NAALADL2: variants seen among roughly 807,000 people sequenced by gnomAD.
NAALADL2 encodes the protein inactive N-acetylated-alpha-linked acidic dipeptidase-like protein 2.
A neutral mutation model predicts 87.2 loss-of-function variants in NAALADL2; 76 were observed. The ratio of observed to expected loss-of-function variants is 0.87; its 90% CI spans 0.72 to 1.05. NAALADL2 has a LOEUF of 1.05. Ranked by LOEUF, NAALADL2 falls within the 50% of genes least tolerant of loss-of-function variation. The pLI, the probability that NAALADL2 is intolerant of heterozygous loss-of-function variation, is 0.00. For missense variants in NAALADL2, 1,089 were observed against 945.8 expected, an observed-to-expected ratio of 1.15 and a Z score of -1.99; for synonymous variants, 354 against 331.0, an observed-to-expected ratio of 1.07 and a Z score of -0.75.
At chr3:174,896,577 A>G (rs1731562972) in intron 1 of NAALADL2, among the ~76,000 whole-genome samples, 1 of 152,192 alleles carries the variant, frequency 6.6e-6, no homozygotes, top group Admixed American at 6.5e-5. Context: ...AATATTGTTA[A>G]AGTGTCCATA....
intron 2 of NAALADL2, among the ~76,000 whole-genome samples, chr3:174,661,037 C>T (rs1725454276): frequency 2.0e-5 from 3 of 152,080 alleles, no homozygotes; most frequent in Admixed American, 1.3e-4. Context: ...AGTGTAGCCA[C>T]TAGGTATGTA....
intron 2 of NAALADL2, among the ~76,000 whole-genome samples, chr3:174,620,608 G>T (rs1264722605): frequency 6.6e-6 from 1 of 151,872 alleles, no homozygotes; most frequent in Non-Finnish European, 1.5e-5. Flanking sequence ...GGACTCTCTG[G>T]CCCAAGGAAA....
chr3:175,366,475 A>G (rs1438672133), intron 5 of NAALADL2, among the ~76,000 whole-genome samples: 8 of 151,442 alleles, frequency 5.3e-5, no homozygotes, highest in Non-Finnish European at 1.2e-4. Flanking sequence ...AGTCCCACCA[A>G]CAGTGTAAAA....
chr3:175,730,431 T>TATATATATATATATATATATATAG, intron 11 of NAALADL2, among the ~76,000 whole-genome samples: 1 of 85,626 alleles, frequency 1.2e-5, no homozygotes, highest in Admixed American at 1.1e-4. Context: ...TATATATATA[T>TATATATATATATATATATATATAG]ATATATATAT....
intron 5 of NAALADL2, among the ~76,000 whole-genome samples, chr3:175,357,089 G>A (rs370010908): frequency 4.6e-5 from 7 of 152,156 alleles, no homozygotes; most frequent in African/African-American, 1.7e-4. Flanking sequence ...TCTTTTTAAA[G>A]TGCAAAATCA....
chr3:175,308,656 G>A (rs933969862), intron 4 of NAALADL2, among the ~76,000 whole-genome samples: 1 of 152,072 alleles, frequency 6.6e-6, no homozygotes, highest in African/African-American at 2.4e-5. Context: ...ATACATGTGG[G>A]CAATTTATTT....
chr3:174,487,819 G>A (rs1016027705), intron 1 of NAALADL2, among the ~76,000 whole-genome samples: 2 of 151,842 alleles, frequency 1.3e-5, no homozygotes, highest in Non-Finnish European at 2.9e-5. Context: ...CCAATTAGAT[G>A]TATTTGATTT....
intron 1 of NAALADL2, among the ~76,000 whole-genome samples, chr3:175,056,122 C>T (rs543151882): frequency 5.9e-5 from 9 of 152,132 alleles, no homozygotes; most frequent in African/African-American, 2.2e-4. Context: ...TGCCCAGTGT[C>T]CTCCGGAAAA....
chr3:174,920,810 T>C (rs530309842), intron 1 of NAALADL2, among the ~76,000 whole-genome samples: 2 of 152,220 alleles, frequency 1.3e-5, no homozygotes, highest in Admixed American at 6.5e-5. Flanking sequence ...GTAAGATATA[T>C]GTTACTCTTC....
Position 174,988,720 on chromosome 3 carries a change from A to C in NAALADL2, c.44-108070A>C, listed in dbSNP as rs1192183790. On this transcript the variant is annotated intron_variant, in intron 1 of 13. Transcript: ENST00000454872. ...CTCCACATAGTGTTCTCCTGTGTGCATGTTTGTGTCCAAATGTCCCCTCCT... is the reference window on the plus strand; with the variant it reads ...CTCCACATAGTGTTCTCCTGTGTGCCTGTTTGTGTCCAAATGTCCCCTCCT... 2.0e-5 allele frequency among the ~76,000 whole-genome samples: 3 copies of C among 152,242 alleles called. No homozygotes were observed. The South Asian group carries it at 6.2e-4, about 32-fold the overall frequency.
At chr3:175,540,828 C>A (rs988808701) in intron 9 of NAALADL2, among the ~76,000 whole-genome samples, 1 of 152,054 alleles carries the variant, frequency 6.6e-6, no homozygotes, top group African/African-American at 2.4e-5. Flanking sequence ...TACTGAAGGA[C>A]TAAACACTCG....
At chr3:174,621,700 C>T (rs1218069617) in intron 2 of NAALADL2, among the ~76,000 whole-genome samples, 2 of 151,998 alleles carry the variant, frequency 1.3e-5, no homozygotes, top group African/African-American at 4.8e-5. Flanking sequence ...TCTGTGTTTC[C>T]ACAACTAGAA....
At chr3:174,467,725 A>G (rs1716625782) in intron 1 of NAALADL2, among the ~76,000 whole-genome samples, 1 of 152,042 alleles carries the variant, frequency 6.6e-6, no homozygotes, top group South Asian at 2.1e-4. Flanking sequence ...TGTTTACTGA[A>G]CTGAAAACTC....
At chr3:175,200,130 T>G (rs574086132) in intron 2 of NAALADL2, among the ~76,000 whole-genome samples, 1 of 151,834 alleles carries the variant, frequency 6.6e-6, no homozygotes, top group African/African-American at 2.4e-5. Flanking sequence ...ACTAGCTACT[T>G]CAAGCTGTTT....
intron 1 of NAALADL2, among the ~76,000 whole-genome samples, chr3:174,477,835 C>T (rs1348088972): frequency 6.6e-6 from 1 of 152,120 alleles, no homozygotes; most frequent in Admixed American, 6.6e-5. Context: ...AATAATTGTC[C>T]TAAGCAACTA....
chr3:175,010,144 C>A (rs779784317), intron 1 of NAALADL2, among the ~76,000 whole-genome samples: 31 of 152,018 alleles, frequency 2.0e-4, no homozygotes, highest in Non-Finnish European at 3.7e-4. Flanking sequence ...TATTATATAA[C>A]ACACAGTTTT....
intron 1 of NAALADL2, among the ~76,000 whole-genome samples, chr3:174,520,461 A>G (rs1375039774): frequency 6.6e-6 from 1 of 152,186 alleles, no homozygotes; most frequent in Non-Finnish European, 1.5e-5. Context: ...ACAATGAAGA[A>G]AAGACACTGT....
At chr3:174,623,679 A>G (rs1001359516) in intron 2 of NAALADL2, among the ~76,000 whole-genome samples, 2 of 151,584 alleles carry the variant, frequency 1.3e-5, no homozygotes, top group Admixed American at 6.6e-5. Flanking sequence ...AAGTGTACCC[A>G]TGCAGTTTAA....
Position 174,972,860 on chromosome 3 carries a change from G to T in NAALADL2, c.43+113410G>T, listed in dbSNP as rs184333260. Among the ~76,000 whole-genome samples the T allele has an allele frequency of 2.5e-4, 38 of 152,162 alleles. No individual in the cohort carries two copies. The East Asian group carries it at 6.8e-3, about 27-fold the overall frequency. On this transcript the variant is annotated intron_variant, in intron 1 of 13. Transcript: ENST00000454872. ...AAAAATACAAAATTAGCCAGGCGTG[G>T]TGATGCATGCCCATAATCCCAGCTA... is the stretch of plus-strand genomic sequence containing the variant.
Sources: gnomAD v4.1 joint callset for allele counts (sites outside exome capture counted in the v4.1 genomes callset) on GRCh38, gnomAD v4.1.1 for gene constraint, MANE v1.5 for transcripts, NCBI Gene and HGNC (gene_info 2026-07-23, HGNC 2026-07-21) for gene names.